The following EPHB1 variants were observed in gnomAD, a reference collection of about 807,000 sequenced individuals.
The protein encoded by EPHB1 is EPH receptor B1.
Under a neutral mutation model 94.4 loss-of-function variants are expected in EPHB1, and 30 were observed. The ratio of observed to expected loss-of-function variants is 0.32; its 90% CI spans 0.24 to 0.43. EPHB1 has a LOEUF of 0.43. Ranked by LOEUF, EPHB1 falls within the 20% of genes least tolerant of loss-of-function variation. The probability of loss-of-function intolerance (pLI) is 1.00; values close to 1 mark genes in which losing one functional copy is unlikely to be tolerated. For synonymous variants in EPHB1, 522 were observed against 489.1 expected (o/e 1.07, Z -0.89); for missense variants, 1,055 against 1,308.3 (o/e 0.81, Z 2.99).
In EPHB1 at chr3:134,860,162, C is replaced by CACACAG. The variant is rs1321478962; in HGVS notation, c.58+64478_58+64479insGACACA. ...AAGAGAAGGAAGGGACACACACACA[C>CACACAG]ACACACACAGACACACACACACACA... On this transcript the variant is annotated intron_variant, in intron 1 of 15. Transcript: ENST00000398015. 3.0e-4 allele frequency among the ~76,000 whole-genome samples: 40 copies of CACACAG among 133,010 alleles called. 1 individual carries two copies. Among genetic ancestry groups the CACACAG allele is most frequent in the African/African-American group, 9.0e-4 (27 of 30,024 alleles). 87.3% of individuals were successfully genotyped at this position (133,010 alleles called of 152,430 possible). A position where few individuals can be genotyped will look rare whatever the true frequency, so the allele number is the denominator to read the frequency against.
At chr3:134,942,275 A>G (rs1005411838) in intron 2 of EPHB1, among the ~76,000 whole-genome samples, 2 of 152,156 alleles carry the variant, frequency 1.3e-5, no homozygotes, top group Non-Finnish European at 2.9e-5. Flanking sequence ...TTGGGTTCAT[A>G]TGGGAGATGG....
At chr3:135,101,462 G>C (rs1046532640) in intron 3 of EPHB1, among the ~76,000 whole-genome samples, 1 of 151,576 alleles carries the variant, frequency 6.6e-6, no homozygotes, top group Non-Finnish European at 1.5e-5. Flanking sequence ...CAACCTCTGC[G>C]TCCTGGGTTC....
intron 6 of EPHB1, among the ~76,000 whole-genome samples, chr3:135,160,926 C>T (rs775649839): frequency 2.0e-5 from 3 of 152,006 alleles, no homozygotes; most frequent in East Asian, 1.9e-4. Context: ...ATGTGGTCCC[C>T]GGATTTAGGG....
At chr3:134,929,035 G>A (rs1451520730) in intron 2 of EPHB1, among the ~76,000 whole-genome samples, 1 of 152,190 alleles carries the variant, frequency 6.6e-6, no homozygotes, top group Non-Finnish European at 1.5e-5. Context: ...AAAGCAGAGA[G>A]GTGAAGAGTC....
At chr3:134,899,672 GTTTTGTT>G (rs2038160449) in intron 1 of EPHB1, among the ~76,000 whole-genome samples, 1 of 151,820 alleles carries the variant, frequency 6.6e-6, no homozygotes, top group South Asian at 2.1e-4. Context: ...GTTTTGTTTT[GTTTTGTT>G]TGTTTTATTT....
At chr3:135,188,129 GT>G (rs1258228472) in intron 10 of EPHB1, among the ~76,000 whole-genome samples, 2 of 151,644 alleles carry the variant, frequency 1.3e-5, no homozygotes, top group East Asian at 2.0e-4. Flanking sequence ...AACGTGGGAA[GT>G]GGAGGTAGCA....
intron 3 of EPHB1, among the ~76,000 whole-genome samples, chr3:135,000,666 G>T (rs570706432): frequency 6.6e-6 from 1 of 152,320 alleles, no homozygotes; most frequent in African/African-American, 2.4e-5. Context: ...CTCTTGATGA[G>T]AATAATGCCT....
intron 1 of EPHB1, among the ~76,000 whole-genome samples, chr3:134,908,788 G>A (rs747276848): frequency 3.3e-5 from 5 of 152,118 alleles, no homozygotes; most frequent in Admixed American, 1.3e-4. Context: ...CAATGAGGAA[G>A]GGCACCTACA....
At chr3:134,802,896 G>A (rs2035961148) in intron 1 of EPHB1, among the ~76,000 whole-genome samples, 1 of 152,128 alleles carries the variant, frequency 6.6e-6, no homozygotes, top group Non-Finnish European at 1.5e-5. Flanking sequence ...TGAAGATCTG[G>A]GGGCCCTTCA....
chr3:134,855,754 C>G (rs1212343564), intron 1 of EPHB1, among the ~76,000 whole-genome samples: 2 of 152,078 alleles, frequency 1.3e-5, no homozygotes, highest in East Asian at 1.9e-4. Flanking sequence ...TACCCCAGAA[C>G]AGGGAAAAAG....
intron 1 of EPHB1, among the ~76,000 whole-genome samples, chr3:134,895,651 A>G (rs1447359321): frequency 6.6e-6 from 1 of 152,244 alleles, no homozygotes; most frequent in Non-Finnish European, 1.5e-5. Context: ...CCCAGCACTC[A>G]TGTAAGCAAA....
rs537120287 is a variant in EPHB1, at chr3:134,889,491, G to T, written c.59-36325G>T. On this transcript the variant is annotated intron_variant, in intron 1 of 15. Transcript: ENST00000398015. ...GTTAGGACAAGTAGATATCCCTCTG[G>T]AAAAAGAAATAATGGGGGTATTTCT... is the stretch of plus-strand genomic sequence containing the variant. 1.7e-4 allele frequency among the ~76,000 whole-genome samples: 26 copies of T among 152,064 alleles called. No homozygotes were observed. The East Asian group carries it at 3.5e-3, about 20-fold the overall frequency.
At position 134,816,797 on chromosome 3, in the gene EPHB1, G is replaced by A. The variant is rs112472995; in HGVS notation, c.58+21108G>A. Among the ~76,000 whole-genome samples, 8 of 152,084 alleles carry A rather than the reference G, an allele frequency of 5.3e-5. No individual in the cohort carries two copies. The South Asian group carries it at 8.3e-4, about 16-fold the overall frequency. On this transcript the variant is annotated intron_variant, in intron 1 of 15. Transcript: ENST00000398015. ...CTTAGAAAAGCTGATATTCAGGCAC[G>A]TGTGCTGGGGCGATGTTCAGTAACC...
chr3:134,830,668 CAT>C (rs150690431), intron 1 of EPHB1, among the ~76,000 whole-genome samples: 1,749 of 152,244 alleles, frequency 0.011, 33 homozygotes, highest in African/African-American at 0.04. Context: ...AAAAACGAAA[CAT>C]GTGTAGGAGA....
chr3:134,922,366 G>A (rs942368907), intron 1 of EPHB1, among the ~76,000 whole-genome samples: 6 of 152,200 alleles, frequency 3.9e-5, no homozygotes, highest in African/African-American at 1.4e-4. Flanking sequence ...TTCATCATAT[G>A]GAGTGGATGG....
At chr3:134,848,770 G>A (rs532364170) in intron 1 of EPHB1, among the ~76,000 whole-genome samples, 2 of 152,290 alleles carry the variant, frequency 1.3e-5, no homozygotes, top group South Asian at 4.1e-4. Flanking sequence ...GGTAGGGGGA[G>A]GGTTTTCCTG....
rs1172659534 is a variant in EPHB1 at position 135,154,231 on chromosome 3, G to A, written c.1377G>A (p.Gln459=). The stretch of plus-strand genomic sequence containing the variant: ...CCTTGTCATGGCCACAGCCGGAGCA[G>A]CCCAATGGCATCATCCTGGACTATG... ...SITLSWPQPE[Q]PNGIILDYEI... Residue 459 remains glutamine (Q), a synonymous_variant, in exon 6 of 16, where the codon CAG becomes CAA. Coordinates refer to ENST00000398015, the MANE Select transcript of EPHB1 (RefSeq NM_004441.5). 4 of 1,614,006 alleles carry A rather than the reference G, an allele frequency of 2.5e-6. No homozygotes were observed. The South Asian group carries it at 3.3e-5, about 13-fold the overall frequency.
At chr3:135,016,819 C>G (rs1935812550) in intron 3 of EPHB1, among the ~76,000 whole-genome samples, 1 of 152,196 alleles carries the variant, frequency 6.6e-6, no homozygotes, top group African/African-American at 2.4e-5. Flanking sequence ...TCCATCCCAT[C>G]CATGTGATGT....
At chr3:135,137,195 G>T (rs1017044615) in intron 5 of EPHB1, among the ~76,000 whole-genome samples, 4 of 152,100 alleles carry the variant, frequency 2.6e-5, no homozygotes, top group Non-Finnish European at 5.9e-5. Context: ...GACCCCTAAG[G>T]CCAGGCAGGT....
Sources: gnomAD v4.1 joint callset for allele counts (sites outside exome capture counted in the v4.1 genomes callset) on GRCh38, gnomAD v4.1.1 for gene constraint, MANE v1.5 for transcripts, NCBI Gene and HGNC (gene_info 2026-07-23, HGNC 2026-07-21) for gene names.